The following MGAT5 variants were observed in gnomAD, a reference collection of about 807,000 sequenced individuals.
MGAT5 encodes alpha-1,6-mannosylglycoprotein 6-beta-N-acetylglucosaminyltransferase.
Under a neutral mutation model 94.3 loss-of-function variants are expected in MGAT5, and 30 were observed. That is an observed-to-expected ratio of 0.32 (90% CI 0.24 to 0.43). The LOEUF (loss-of-function observed/expected upper bound fraction) is 0.43, where lower values mean the gene tolerates loss of function less well. Ranked by LOEUF, MGAT5 falls within the 20% of genes least tolerant of loss-of-function variation. MGAT5 has a pLI of 1.00. For missense variants in MGAT5, 691 were observed against 905.5 expected (o/e 0.76, Z 3.04); for synonymous variants, 310 against 322.9 (o/e 0.96, Z 0.43).
chr2:134,283,849 T>C (rs775411413), intron 2 of MGAT5, among the ~76,000 whole-genome samples: 11 of 151,884 alleles, frequency 7.2e-5, no homozygotes, highest in Non-Finnish European at 1.3e-4. Context: ...CTTTCTGTGA[T>C]GCAAGGATAC....
At chr2:134,411,093 C>T (rs987551171) in intron 11 of MGAT5, among the ~76,000 whole-genome samples, 12 of 152,332 alleles carry the variant, frequency 7.9e-5, no homozygotes, top group Admixed American at 6.5e-4. Context: ...TACATTCCCA[C>T]TGTTTCCTTC....
In MGAT5 at chr2:134,139,956, G is replaced by C. The variant is rs935550650; in HGVS notation, c.-143+19665G>C. Among the ~76,000 whole-genome samples the C allele has an allele frequency of 5.3e-5, 8 of 152,222 alleles. 1 individual carries two copies. The highest frequency in any genetic ancestry group is 1.2e-4 in the Non-Finnish European group (8 of 68,046). On this transcript the variant is annotated intron_variant, in intron 1 of 16. Coordinates refer to the MGAT5 transcript ENST00000409645. ...TTCCTTCTACACCCAGGTTTAGGGAGGACCTGCCTTCTGACTCTTGGAACA... is the reference window on the plus strand; with the variant it reads ...TTCCTTCTACACCCAGGTTTAGGGACGACCTGCCTTCTGACTCTTGGAACA...
chr2:134,156,938 T>A (rs1336540683), intron 1 of MGAT5, among the ~76,000 whole-genome samples: 1 of 152,140 alleles, frequency 6.6e-6, no homozygotes, highest in African/African-American at 2.4e-5. Context: ...CTTGTCAGGG[T>A]TTCTCGTTCT....
chr2:134,287,452 G>A (rs1347870655), intron 2 of MGAT5, among the ~76,000 whole-genome samples: 1 of 152,112 alleles, frequency 6.6e-6, no homozygotes, highest in African/African-American at 2.4e-5. Flanking sequence ...GTGTGAGAAT[G>A]TTTTCTCACA....
At chr2:134,235,237 C>T (rs1681574244) in intron 1 of MGAT5, among the ~76,000 whole-genome samples, 1 of 152,138 alleles carries the variant, frequency 6.6e-6, no homozygotes, top group Admixed American at 6.5e-5. Flanking sequence ...TCCCTCAGTA[C>T]CCTTCTACCC....
intron 1 of MGAT5, among the ~76,000 whole-genome samples, chr2:134,129,389 G>A (rs1686010198): frequency 6.6e-6 from 1 of 152,182 alleles, no homozygotes; most frequent in Admixed American, 6.5e-5. Flanking sequence ...ACAGGTACTT[G>A]ATATAATGCC....
intron 2 of MGAT5, among the ~76,000 whole-genome samples, chr2:134,307,190 C>T (rs138521189): frequency 3.9e-5 from 6 of 152,060 alleles, no homozygotes; most frequent in Admixed American, 2.0e-4. Flanking sequence ...GCATTAGAAG[C>T]TGCTGTTAAT....
In MGAT5 at chr2:134,200,353, C is replaced by A. The variant is rs568416319; in HGVS notation, c.-142-53909C>A. The stretch of plus-strand genomic sequence containing the variant: ...TGTCTGCAAGTCCCCTGACATCTTC[C>A]TTCCTTTGTAGATTCTTCTGGAAAT... On this transcript the variant is annotated intron_variant, in intron 1 of 16. Transcript: ENST00000409645. Among the ~76,000 whole-genome samples the A allele has an allele frequency of 5.9e-5, 9 of 152,316 alleles. No homozygotes were observed. In the East Asian group the frequency reaches 1.5e-3, roughly 26 times the overall value.
intron 2 of MGAT5, among the ~76,000 whole-genome samples, chr2:134,284,598 G>T (rs1334330135): frequency 6.8e-6 from 1 of 146,600 alleles, no homozygotes; most frequent in Non-Finnish European, 1.5e-5. Flanking sequence ...AAAAAAAAAA[G>T]CCACTGTTTA....
chr2:134,339,508 G>C (rs897494571), intron 6 of MGAT5, among the ~76,000 whole-genome samples: 4 of 152,066 alleles, frequency 2.6e-5, no homozygotes, highest in Admixed American at 1.3e-4. Context: ...GATGATGGTT[G>C]CACAATAATG....
intron 2 of MGAT5, among the ~76,000 whole-genome samples, chr2:134,305,782 T>C (rs1350455055): frequency 1.3e-5 from 2 of 152,186 alleles, no homozygotes; most frequent in Non-Finnish European, 2.9e-5. Flanking sequence ...CTTCTTCTAG[T>C]AAACTGCATG....
chr2:134,154,018 G>GA (rs930029961), intron 1 of MGAT5, among the ~76,000 whole-genome samples: 6 of 151,064 alleles, frequency 4.0e-5, no homozygotes, highest in African/African-American at 1.2e-4. Flanking sequence ...TTATCCTATG[G>GA]AAAAAAAATA....
chr2:134,227,546 A>G (rs12611856), intron 1 of MGAT5, among the ~76,000 whole-genome samples: 2 of 152,246 alleles, frequency 1.3e-5, no homozygotes, highest in African/African-American at 4.8e-5. Context: ...ATAAAAAATA[A>G]TACCTCTCAA....
intron 1 of MGAT5, among the ~76,000 whole-genome samples, chr2:134,146,740 T>C (rs1336760273): frequency 6.6e-6 from 1 of 152,114 alleles, no homozygotes; most frequent in Non-Finnish European, 1.5e-5. Flanking sequence ...GGTACCGGCA[T>C]TGGCAGCTGG....
chr2:134,345,901 A>G (rs895385975), intron 8 of MGAT5, among the ~76,000 whole-genome samples: 3 of 152,128 alleles, frequency 2.0e-5, no homozygotes, highest in African/African-American at 2.4e-5. Flanking sequence ...TCTTGCATTT[A>G]TGGCAGTCAA....
At chr2:134,406,974 C>T (rs1683376652) in intron 11 of MGAT5, among the ~76,000 whole-genome samples, 1 of 152,174 alleles carries the variant, frequency 6.6e-6, no homozygotes, top group South Asian at 2.1e-4. Flanking sequence ...TTTGCTTGTT[C>T]TATCCACAGG....
intron 1 of MGAT5, among the ~76,000 whole-genome samples, chr2:134,147,161 T>TATTA (rs1686957641): frequency 6.6e-6 from 1 of 152,228 alleles, no homozygotes; most frequent in Non-Finnish European, 1.5e-5. Flanking sequence ...TTAGTCATTT[T>TATTA]GTTTCTTTAT....
intron 14 of MGAT5, among the ~76,000 whole-genome samples, chr2:134,433,395 C>T (rs1196617905): frequency 2.6e-5 from 4 of 152,178 alleles, no homozygotes; most frequent in Non-Finnish European, 4.4e-5. Flanking sequence ...GTTTCTCCTG[C>T]GTAGACTCCT....
Position 134,136,679 on chromosome 2 carries a change from A to G in MGAT5, c.-143+16388A>G, listed in dbSNP as rs562142077. On this transcript the variant is annotated intron_variant, in intron 1 of 16. Coordinates refer to the MGAT5 transcript ENST00000409645. ...CTGTGTATTTTATTTTATGCATTAA[A>G]AAAGTCTTTCTGAGAAGGAGTCCAT... Among the ~76,000 whole-genome samples the G allele has an allele frequency of 2.6e-5, 4 of 152,358 alleles. No homozygotes were observed. The East Asian group carries it at 7.7e-4, about 29-fold the overall frequency.
Sources: allele counts gnomAD v4.1 joint callset (sites outside exome capture counted in the v4.1 genomes callset), GRCh38; gene constraint gnomAD v4.1.1; transcripts MANE v1.5; gene names NCBI Gene and HGNC (gene_info 2026-07-23, HGNC 2026-07-21).